PHLDA3: variants seen among roughly 807,000 people sequenced by gnomAD.
The protein encoded by PHLDA3 is pleckstrin homology like domain family A member 3.
PHLDA3 carries 12 observed loss-of-function variants against 7.6 expected under a neutral mutation model. The ratio of observed to expected loss-of-function variants is 1.58; its 90% CI spans 1.01 to 2.55. The LOEUF (loss-of-function observed/expected upper bound fraction) is 2.55. Among genes scored for constraint, PHLDA3 ranks in the 30% most tolerant of loss-of-function variants. The probability of loss-of-function intolerance (pLI) is 0.00; values close to 1 mark genes in which losing one functional copy is unlikely to be tolerated. For synonymous variants in PHLDA3, 104 were observed against 85.1 expected (o/e 1.22, Z -1.23); for missense variants, 177 against 175.6 (o/e 1.01, Z -0.05).
In PHLDA3 at chr1:201,469,088, G is replaced by T; in HGVS notation, c.-302C>A. 3.1e-6 allele frequency: 1 copy of T among 319,082 alleles called. No homozygotes were observed. Among genetic ancestry groups the T allele is most frequent in the Non-Finnish European group, 5.6e-6 (1 of 177,118 alleles). The allele number at this position is 319,082 out of a possible 1,614,324, so 19.8% of individuals were successfully genotyped here. A position where few individuals can be genotyped will look rare whatever the true frequency, so the allele number is the denominator to read the frequency against. On this transcript the variant is annotated 5_prime_UTR_variant, in exon 1 of 2. Coordinates refer to ENST00000367311, the MANE Select transcript of PHLDA3 (RefSeq NM_012396.5). Reference sequence around the variant, plus strand: ...AGATGCCTCCGCGCCTCCCTAGGCCGTGAGCCCCACCGCCCGCCCGTTCTC... The same window carrying T: ...AGATGCCTCCGCGCCTCCCTAGGCCTTGAGCCCCACCGCCCGCCCGTTCTC...
At chr1:201,467,639 T>TACACACACAG (rs1553299260) in intron 1 of PHLDA3, 1 of 139,902 alleles carries the variant, frequency 7.1e-6, no homozygotes, top group African/African-American at 2.6e-5. Flanking sequence ...CAACAAACCA[T>TACACACACAG]ACACACACAC....
rs1315122413 is a variant in PHLDA3, at chr1:201,468,725, C to A, written c.62G>T (p.Gly21Val). Residue 21 changes from glycine to valine, a missense_variant, in exon 1 of 2, where the codon GGG becomes GTG. Gly to Val is a moderately radical substitution (Grantham distance 109, BLOSUM62 -3). Coordinates refer to ENST00000367311, the MANE Select transcript of PHLDA3 (RefSeq NM_012396.5). ...CTTCCGCTTCCACAGCTGCAGCAGCCCGCCGCTGCGCTTCTCCAGCACGCC... is the reference window on the plus strand; with the variant it reads ...CTTCCGCTTCCACAGCTGCAGCAGCACGCCGCTGCGCTTCTCCAGCACGCC... ...KEGVLEKRSG[G>V]LLQLWKRKRC... The A allele has an allele frequency of 6.2e-7, 1 of 1,602,320 alleles. No individual in the cohort carries two copies. Among genetic ancestry groups the A allele is most frequent in the Non-Finnish European group, 8.5e-7 (1 of 1,178,146 alleles).
rs1004575138 is a variant in PHLDA3, at chr1:201,469,013, A to G, written c.-227T>C. The G allele has an allele frequency of 7.0e-6, 3 of 431,072 alleles. No individual in the cohort carries two copies. Among genetic ancestry groups the G allele is most frequent in the Non-Finnish European group, 3.9e-6 (1 of 256,294 alleles). 26.7% of individuals were successfully genotyped at this position (431,072 alleles called of 1,614,324 possible). A position where few individuals can be genotyped will look rare whatever the true frequency, so the allele number is the denominator to read the frequency against. Reference sequence around the variant, plus strand: ...CGCCCACCGCCCCGCTTCAGCCGGCACCCGCTCCTCCGCTCTACCCCAGCT... The same window carrying G: ...CGCCCACCGCCCCGCTTCAGCCGGCGCCCGCTCCTCCGCTCTACCCCAGCT... On this transcript the variant is annotated 5_prime_UTR_variant, in exon 1 of 2. Transcript: ENST00000367311.
In PHLDA3 at chr1:201,468,706, C is replaced by T. The variant is rs1159441328; in HGVS notation, c.81G>A (p.Lys27=). The stretch of plus-strand genomic sequence containing the variant: ...GTTCGGTGAGGACGCAGCGCTTCCG[C>T]TTCCACAGCTGCAGCAGCCCGCCGC... The part of the protein sequence containing the change: ...KRSGGLLQLW[K]RKRCVLTERG... The change falls in exon 1 of 2, where the codon AAG becomes AAA. Residue 27 remains lysine, a synonymous_variant. Coordinates refer to ENST00000367311, the MANE Select transcript of PHLDA3 (RefSeq NM_012396.5). The T allele has an allele frequency of 6.2e-7, 1 of 1,607,668 alleles. No homozygotes were observed. The highest frequency in any genetic ancestry group is 1.3e-5 in the African/African-American group (1 of 75,004).
Position 201,468,822 on chromosome 1 carries a change from G to C in PHLDA3, c.-36C>G. On this transcript the variant is annotated 5_prime_UTR_variant, in exon 1 of 2. Coordinates refer to ENST00000367311, the MANE Select transcript of PHLDA3 (RefSeq NM_012396.5). ...AGGTTCGCGGAAAGCTCCAGGCTGCGGCGGGCGCGGCGCCCCTCTCGGCCC... is the reference window on the plus strand; with the variant it reads ...AGGTTCGCGGAAAGCTCCAGGCTGCCGCGGGCGCGGCGCCCCTCTCGGCCC... The C allele has an allele frequency of 2.0e-6, 3 of 1,478,172 alleles. No homozygotes were observed. The highest frequency in any genetic ancestry group is 2.7e-6 in the Non-Finnish European group (3 of 1,126,810). The allele number at this position is 1,478,172 out of a possible 1,614,324, so 91.6% of individuals were successfully genotyped here. A position where few individuals can be genotyped will look rare whatever the true frequency, so the allele number is the denominator to read the frequency against.
intron 1 of PHLDA3, chr1:201,467,660 AC>A (rs1663701312): frequency 6.7e-6 from 1 of 149,526 alleles, no homozygotes; most frequent in African/African-American, 2.4e-5. Flanking sequence ...ACACACACAC[AC>A]ACACACACAC....
Position 201,469,036 on chromosome 1 carries a change from G to A in PHLDA3, c.-250C>T, listed in dbSNP as rs1318101586. 2 of 401,832 alleles carry A rather than the reference G, an allele frequency of 5.0e-6. No homozygotes were observed. Among genetic ancestry groups the A allele is most frequent in the Non-Finnish European group, 8.6e-6 (2 of 233,654 alleles). The allele number at this position is 401,832 out of a possible 1,614,324, so 24.9% of individuals were successfully genotyped here. A position where few individuals can be genotyped will look rare whatever the true frequency, so the allele number is the denominator to read the frequency against. On this transcript the variant is annotated 5_prime_UTR_variant, in exon 1 of 2. Coordinates refer to ENST00000367311, the MANE Select transcript of PHLDA3 (RefSeq NM_012396.5). ...GCACCCGCTCCTCCGCTCTACCCCAGCTGGCCCAGCCCGACCCGCCTCTGC... is the reference window on the plus strand; with the variant it reads ...GCACCCGCTCCTCCGCTCTACCCCAACTGGCCCAGCCCGACCCGCCTCTGC...
In PHLDA3 at chr1:201,465,791, G is replaced by C. The variant is rs949393183; in HGVS notation, c.*450C>G. On this transcript the variant is annotated 3_prime_UTR_variant, in exon 2 of 2. Transcript: ENST00000367311. ...GTACCAGGCCCTGGGTACTCCTTTT[G>C]GTACCAGGCTGGCCTCCTGATTCCT... The C allele has an allele frequency of 6.5e-6, 1 of 154,872 alleles. No individual in the cohort carries two copies. Among genetic ancestry groups the C allele is most frequent in the Non-Finnish European group, 1.5e-5 (1 of 68,270 alleles). 9.6% of individuals were successfully genotyped at this position (154,872 alleles called of 1,614,324 possible). A position where few individuals can be genotyped will look rare whatever the true frequency, so the allele number is the denominator to read the frequency against.
rs1663737613 is a variant in PHLDA3, at chr1:201,468,579, G to A, written c.208C>T (p.His70Tyr). 1 of 1,613,906 alleles carries A rather than the reference G, an allele frequency of 6.2e-7. No individual in the cohort carries two copies. The highest frequency in any genetic ancestry group is 8.5e-7 in the Non-Finnish European group (1 of 1,180,004). ...TCGGTCACCAGCGTGAAGTAGATGTGGCGCCCGGTGCTCTCCACGCACTCC... is the reference window on the plus strand; with the variant it reads ...TCGGTCACCAGCGTGAAGTAGATGTAGCGCCCGGTGCTCTCCACGCACTCC... ...AVECVESTGRHIYFTLVTEGG... is the reference protein window; with the variant it reads ...AVECVESTGRYIYFTLVTEGG... The change falls in exon 1 of 2, where the codon CAC becomes TAC. Residue 70 changes from histidine (H) to tyrosine (Y), a missense_variant. By Grantham distance (83) the His-to-Tyr change is moderately conservative. Coordinates refer to ENST00000367311, the MANE Select transcript of PHLDA3 (RefSeq NM_012396.5).
intron 1 of PHLDA3, among the ~76,000 whole-genome samples, chr1:201,467,257 A>G (rs951165729): frequency 6.6e-6 from 1 of 152,178 alleles, no homozygotes; most frequent in Non-Finnish European, 1.5e-5. Flanking sequence ...TTGAGGCTGC[A>G]GTGAGCCATG....
rs866347793 is a variant in PHLDA3, at chr1:201,468,551, C to G, written c.236G>C (p.Gly79Ala). Reference protein sequence around the residue: ...RHIYFTLVTEGGGEIDFRCPL... With the variant: ...RHIYFTLVTEAGGEIDFRCPL... The stretch of plus-strand genomic sequence containing the variant: ...GCAGCGGAAGTCGATCTCGCCGCCC[C>G]CTTCGGTCACCAGCGTGAAGTAGAT... The change falls in exon 1 of 2, where the codon GGG becomes GCG. Residue 79 changes from glycine to alanine, a missense_variant. Coordinates refer to ENST00000367311, the MANE Select transcript of PHLDA3 (RefSeq NM_012396.5). 6.2e-7 allele frequency: 1 copy of G among 1,614,074 alleles called. No homozygotes were observed. The highest frequency in any genetic ancestry group is 1.6e-4 in the Middle Eastern group (1 of 6,062).
Position 201,468,628 on chromosome 1 carries a change from G to A in PHLDA3, c.159C>T (p.Leu53=), listed in dbSNP as rs202171334. Residue 53 remains leucine (L), a synonymous_variant, in exon 1 of 2, where the codon CTC becomes CTT. Coordinates refer to ENST00000367311, the MANE Select transcript of PHLDA3 (RefSeq NM_012396.5). ...CCACGGCCTTGATGCGGGCGAAGCT[G>A]AGCTCCTTGGGCCGGCCGCCCGTGC... ...AKGTGGRPKE[L]SFARIKAVEC... The A allele has an allele frequency of 4.2e-5, 67 of 1,613,368 alleles. No homozygotes were observed. The highest frequency in any genetic ancestry group is 5.5e-5 in the Non-Finnish European group (65 of 1,179,968).
chr1:201,469,061 C>T lies in PHLDA3; in HGVS notation c.-275G>A. 2.7e-6 allele frequency: 1 copy of T among 365,282 alleles called. No individual in the cohort carries two copies. The highest frequency in any genetic ancestry group is 4.8e-6 in the Non-Finnish European group (1 of 207,482). 22.6% of individuals were successfully genotyped at this position (365,282 alleles called of 1,614,324 possible). A position where few individuals can be genotyped will look rare whatever the true frequency, so the allele number is the denominator to read the frequency against. On this transcript the variant is annotated 5_prime_UTR_variant, in exon 1 of 2. Coordinates refer to ENST00000367311, the MANE Select transcript of PHLDA3 (RefSeq NM_012396.5). Reference sequence around the variant, plus strand: ...GCTGGCCCAGCCCGACCCGCCTCTGCCAGATGCCTCCGCGCCTCCCTAGGC... The same window carrying T: ...GCTGGCCCAGCCCGACCCGCCTCTGTCAGATGCCTCCGCGCCTCCCTAGGC...
intron 1 of PHLDA3, among the ~76,000 whole-genome samples, chr1:201,467,180 T>C (rs1279651419): frequency 6.6e-6 from 1 of 151,026 alleles, no homozygotes; most frequent in Non-Finnish European, 1.5e-5. Flanking sequence ...TGGTGGCGTG[T>C]GCCTGTAGTC....
intron 1 of PHLDA3, chr1:201,467,639 T>TAC (rs56225084): frequency 0.043 from 5,951 of 139,878 alleles, 161 homozygotes; most frequent in Middle Eastern, 0.086. Context: ...CAACAAACCA[T>TAC]ACACACACAC....
At position 201,468,959 on chromosome 1, in the gene PHLDA3, G is replaced by GGA. The variant is rs34376362; in HGVS notation, c.-174_-173insTC. The GGA allele has an allele frequency of 0.59, 367,432 of 624,422 alleles. 113,680 individuals carry two copies. The highest frequency in any genetic ancestry group is 0.65 in the Non-Finnish European group (270,973 of 419,146). 38.7% of individuals were successfully genotyped at this position (624,422 alleles called of 1,614,324 possible). Reference sequence around the variant, plus strand: ...GCCCTCAGCACCCGGCTGCCGGTGAGGTGGTGTCGGTGCCCCCAGCGCGCT... The same window carrying GGA: ...GCCCTCAGCACCCGGCTGCCGGTGAGGAGTGGTGTCGGTGCCCCCAGCGCGCT... On this transcript the variant is annotated 5_prime_UTR_variant, in exon 1 of 2. Transcript: ENST00000367311.
At chr1:201,466,277 C>G (rs1663663462) in intron 1 of PHLDA3, 99 bp from the exon 2 acceptor site, 1 of 152,300 alleles carries the variant, frequency 6.6e-6, no homozygotes, top group African/African-American at 2.4e-5. Flanking sequence ...CCAGCCTTTT[C>G]CATAAACATG....
intron 1 of PHLDA3, 24 bp downstream of exon 1, chr1:201,468,317 G>A: frequency 1.4e-6 from 2 of 1,423,782 alleles, no homozygotes; most frequent in East Asian, 2.3e-5. Flanking sequence ...GGAGAGAAGA[G>A]GGCCCAGTCC....
Position 201,468,763 on chromosome 1 carries a change from G to GGTAGCC in PHLDA3, c.18_23dup (p.Ala7_Thr8dup), listed in dbSNP as rs1558300181. 1 of 1,571,682 alleles carries GGTAGCC rather than the reference G, an allele frequency of 6.4e-7. No individual in the cohort carries two copies. Among genetic ancestry groups the GGTAGCC allele is most frequent in the Non-Finnish European group, 8.6e-7 (1 of 1,166,422 alleles). On this transcript the variant is annotated inframe_insertion, in exon 1 of 2. Transcript: ENST00000367311. ...TCTCCAGCACGCCCTCCTTGAGCAC[G>GGTAGCC]GTAGCCGTCGCCGCCGCCGTCATGG...
Sources: allele counts gnomAD v4.1 joint callset (sites outside exome capture counted in the v4.1 genomes callset), GRCh38; gene constraint gnomAD v4.1.1; transcripts MANE v1.5; gene names NCBI Gene and HGNC (gene_info 2026-07-23, HGNC 2026-07-21).